Variants in FGF14 observed in about 807,000 individuals in gnomAD.
FGF14 encodes the protein fibroblast growth factor homologous factor 4.
FGF14 carries 5 observed loss-of-function variants against 25.5 expected under a neutral mutation model. The ratio of observed to expected loss-of-function variants is 0.20; its 90% CI spans 0.10 to 0.41. FGF14 has a LOEUF of 0.41. Ranked by LOEUF, FGF14 falls within the 10% of genes least tolerant of loss-of-function variation. The probability of loss-of-function intolerance (pLI) is 1.00; values close to 1 mark genes in which losing one functional copy is unlikely to be tolerated. For synonymous variants in FGF14, 138 were observed against 118.3 expected, an observed-to-expected ratio of 1.17 and a Z score of -1.08; for missense variants, 222 against 320.1, an observed-to-expected ratio of 0.69 and a Z score of 2.34.
chr13:101,879,776 G>A (rs911555746), intron 1 of FGF14, among the ~76,000 whole-genome samples: 1 of 152,018 alleles, frequency 6.6e-6, no homozygotes, highest in Non-Finnish European at 1.5e-5. Context: ...CATTTTTATA[G>A]GGTAAAAACA....
chr13:102,057,790 T>C (rs1188577107), intron 1 of FGF14, among the ~76,000 whole-genome samples: 2 of 152,322 alleles, frequency 1.3e-5, no homozygotes, highest in East Asian at 3.9e-4. Flanking sequence ...AGTGACTGAA[T>C]ACATTTAACC....
At chr13:102,022,269 C>T (rs2040698584) in intron 1 of FGF14, among the ~76,000 whole-genome samples, 1 of 152,026 alleles carries the variant, frequency 6.6e-6, no homozygotes, top group Non-Finnish European at 1.5e-5. Context: ...AGGTATCATA[C>T]CTTTGTATTG....
chr13:102,378,666 A>T (rs1057383885), intron 1 of FGF14, among the ~76,000 whole-genome samples: 1 of 151,130 alleles, frequency 6.6e-6, no homozygotes, highest in African/African-American at 2.4e-5. Context: ...TAATCACTAC[A>T]TATTTAAAGG....
chr13:102,207,867 A>G (rs2050001227), intron 1 of FGF14, among the ~76,000 whole-genome samples: 1 of 152,138 alleles, frequency 6.6e-6, no homozygotes, highest in African/African-American at 2.4e-5. Flanking sequence ...TTACCCAATG[A>G]TAGAAGAAGC....
chr13:101,806,102 G>T (rs2041182209), intron 3 of FGF14, among the ~76,000 whole-genome samples: 1 of 151,860 alleles, frequency 6.6e-6, no homozygotes, highest in South Asian at 2.1e-4. Context: ...ACATTGGTAT[G>T]TAAATATTTA....
chr13:101,773,562 A>G (rs9518532), intron 3 of FGF14, among the ~76,000 whole-genome samples: 62,265 of 151,708 alleles, frequency 0.41, 14,380 homozygotes, highest in Non-Finnish European at 0.52. Flanking sequence ...GAAAATGGCA[A>G]AATACAATTT....
At chr13:102,249,469 G>T (rs2052053933) in intron 1 of FGF14, among the ~76,000 whole-genome samples, 2 of 152,302 alleles carry the variant, frequency 1.3e-5, no homozygotes, top group Admixed American at 6.5e-5. Flanking sequence ...GAGGGTCATG[G>T]ACAGAGCAGA....
At chr13:102,291,183 C>G (rs1357652678) in intron 1 of FGF14, among the ~76,000 whole-genome samples, 1 of 152,166 alleles carries the variant, frequency 6.6e-6, no homozygotes, top group African/African-American at 2.4e-5. Context: ...CAGCCACACG[C>G]TGTTGAAAAT....
chr13:101,872,512 A>G (rs535418200), intron 2 of FGF14, among the ~76,000 whole-genome samples: 1 of 152,048 alleles, frequency 6.6e-6, no homozygotes, highest in African/African-American at 2.4e-5. Flanking sequence ...TACATTTTTC[A>G]TAAGATTCAT....
chr13:101,736,579 C>A lies in FGF14; in HGVS notation c.409-9769G>T, dbSNP rs190387648. ...CAATTAATAAAAGTACTGTCCTTCA[C>A]CACATGCAGTCTGATGGCCACTGCT... On this transcript the variant is annotated intron_variant, in intron 3 of 4. Coordinates refer to ENST00000376143, the MANE Select transcript of FGF14 (RefSeq NM_004115.4). Among the ~76,000 whole-genome samples, 403 of 152,238 alleles carry A rather than the reference C, an allele frequency of 2.6e-3. 1 individual carries two copies. The highest frequency in any genetic ancestry group is 4.9e-3 in the Non-Finnish European group (331 of 68,000).
At chr13:102,184,749 T>C (rs374947596) in intron 1 of FGF14, among the ~76,000 whole-genome samples, 3 of 152,148 alleles carry the variant, frequency 2.0e-5, no homozygotes, top group East Asian at 3.9e-4. Context: ...GATAGGGGTA[T>C]GGGTTGGTAT....
intron 1 of FGF14, among the ~76,000 whole-genome samples, chr13:102,076,966 T>A (rs1055334901): frequency 6.6e-6 from 1 of 152,004 alleles, no homozygotes; most frequent in Non-Finnish European, 1.5e-5. Context: ...ATATAGAGCA[T>A]AGAAATAAAA....
chr13:101,786,721 T>A (rs1055491921), intron 3 of FGF14, among the ~76,000 whole-genome samples: 1 of 152,186 alleles, frequency 6.6e-6, no homozygotes, highest in African/African-American at 2.4e-5. Context: ...GGGTTAGGAC[T>A]CCAACATACC....
Position 102,218,357 on chromosome 13 carries a change from C to T in FGF14, c.208+183114G>A, listed in dbSNP as rs532405049. On this transcript the variant is annotated intron_variant, in intron 1 of 4. Transcript: ENST00000376131. ...ACAAGAAAAGGGTCTACCAGGCCCA[C>T]GCTGGACCTGCAGCACGTGGGAGAG... 7.9e-5 allele frequency among the ~76,000 whole-genome samples: 12 copies of T among 152,190 alleles called. 1 individual carries two copies. Among genetic ancestry groups the T allele is most frequent in the South Asian group, 6.2e-4 (3 of 4,814 alleles).
chr13:102,192,984 C>A (rs1331179070), intron 1 of FGF14, among the ~76,000 whole-genome samples: 1 of 152,166 alleles, frequency 6.6e-6, no homozygotes, highest in East Asian at 1.9e-4. Flanking sequence ...TTCTAGCATA[C>A]ACCTCAAAAC....
intron 1 of FGF14, among the ~76,000 whole-genome samples, chr13:102,107,082 A>C (rs2140306900): frequency 6.6e-6 from 1 of 152,314 alleles, no homozygotes; most frequent in South Asian, 2.1e-4. Flanking sequence ...TTTGAACTTC[A>C]GTTTGATGAC....
At chr13:102,190,511 G>A (rs187139276) in intron 1 of FGF14, among the ~76,000 whole-genome samples, 47 of 152,210 alleles carry the variant, frequency 3.1e-4, no homozygotes, top group African/African-American at 1.1e-3. Context: ...AGAAGTATTG[G>A]ACCCAAAATT....
intron 1 of FGF14, among the ~76,000 whole-genome samples, chr13:101,999,239 C>T (rs1203331799): frequency 6.6e-6 from 1 of 152,110 alleles, no homozygotes; most frequent in South Asian, 2.1e-4. Context: ...TGATAAGAAA[C>T]ACTGAAAGAA....
At chr13:101,900,986 C>T (rs996844560) in intron 1 of FGF14, among the ~76,000 whole-genome samples, 2 of 152,056 alleles carry the variant, frequency 1.3e-5, no homozygotes, top group Non-Finnish European at 2.9e-5. Flanking sequence ...TGTGTATCTT[C>T]AACTTTAGTC....
Sources: allele counts gnomAD v4.1 joint callset (sites outside exome capture counted in the v4.1 genomes callset), GRCh38; gene constraint gnomAD v4.1.1; transcripts MANE v1.5; gene names NCBI Gene and HGNC (gene_info 2026-07-23, HGNC 2026-07-21).